INSYN2A: variants seen among roughly 807,000 people sequenced by gnomAD.
The protein encoded by INSYN2A is inhibitory synaptic factor 2A.
Under a neutral mutation model 39.4 loss-of-function variants are expected in INSYN2A, and 17 were observed. The ratio of observed to expected loss-of-function variants is 0.43; its 90% CI spans 0.30 to 0.65. INSYN2A has a LOEUF of 0.65. Ranked by LOEUF, INSYN2A falls within the 30% of genes least tolerant of loss-of-function variation. The pLI is 0.14. For synonymous variants in INSYN2A, 255 were observed against 265.7 expected (o/e 0.96, Z 0.39); for missense variants, 595 against 631.2 (o/e 0.94, Z 0.61).
In INSYN2A at chr10:127,176,706, T is replaced by C. The variant is rs986540797; in HGVS notation, c.-6+171A>G. On this transcript the variant is annotated intron_variant, in intron 3 of 5. Transcript: ENST00000522781. This position sits in a 1 kb window ranked among gnomAD's most constrained non-coding sequence, Gnocchi z 4.4. Reference sequence around the variant, plus strand: ...TTACTACATTCATCAAGAAACCCAATGATGCTGCCTCTTCTGCTTTGCAAA... The same window carrying C: ...TTACTACATTCATCAAGAAACCCAACGATGCTGCCTCTTCTGCTTTGCAAA... Among the ~76,000 whole-genome samples the C allele has an allele frequency of 6.6e-6, 1 of 152,226 alleles. No homozygotes were observed.
rs56041181 is a variant in INSYN2A, at chr10:127,190,665, TCCCCCCCC to T, written c.-269+1932_-269+1939del. ...CAAATATTTAATAGAAATCCTATCT[TCCCCCCCC>T]CCCCCCCCCCGTTCCTGCTGGCTCC... On this transcript the variant is annotated intron_variant, in intron 2 of 5. Coordinates refer to ENST00000522781, the MANE Select transcript of INSYN2A (RefSeq NM_001039762.3). Among the ~76,000 whole-genome samples the T allele has an allele frequency of 1.8e-3, 75 of 41,814 alleles. 4 individuals are homozygous for T. The highest frequency in any genetic ancestry group is 0.015 in the Middle Eastern group (1 of 66). The allele number at this position is 41,814 out of a possible 152,430, so 27.4% of individuals were successfully genotyped here. A position where few individuals can be genotyped will look rare whatever the true frequency, so the allele number is the denominator to read the frequency against.
intron 4 of INSYN2A, among the ~76,000 whole-genome samples, chr10:127,159,897 T>C (rs2053440118): frequency 6.6e-6 from 1 of 152,188 alleles, no homozygotes; most frequent in Admixed American, 6.5e-5. Flanking sequence ...ACGGGAGGGC[T>C]GGACGGCATC....
chr10:127,158,999 T>G (rs961672948), intron 4 of INSYN2A, among the ~76,000 whole-genome samples: 2 of 152,188 alleles, frequency 1.3e-5, no homozygotes, highest in Non-Finnish European at 2.9e-5. Context: ...CTCTCCTTGC[T>G]TGATGCCTTT....
chr10:127,150,524 A>G (rs1027193312), intron 5 of INSYN2A, among the ~76,000 whole-genome samples: 1 of 152,224 alleles, frequency 6.6e-6, no homozygotes, highest in African/African-American at 2.4e-5. Context: ...TGGTGCACCC[A>G]TGATGCTGGG....
chr10:127,186,519 C>CCCG (rs2056274619), intron 2 of INSYN2A, among the ~76,000 whole-genome samples: 1 of 77,820 alleles, frequency 1.3e-5, no homozygotes, highest in African/African-American at 4.2e-5. Context: ...CCCCCCGCCC[C>CCCG]CCCCCGATCC....
chr10:127,164,777 C>T (rs2053932260), intron 4 of INSYN2A, among the ~76,000 whole-genome samples: 3 of 152,122 alleles, frequency 2.0e-5, no homozygotes, highest in Admixed American at 2.0e-4. Flanking sequence ...TGTGTGTGGA[C>T]TGCCTGGCTA....
chr10:127,161,741 C>G (rs2053609857), intron 4 of INSYN2A, among the ~76,000 whole-genome samples: 1 of 152,184 alleles, frequency 6.6e-6, no homozygotes, highest in South Asian at 2.1e-4. Flanking sequence ...ATTTCCTCTG[C>G]CAGAACACCT....
chr10:127,147,902 G>A (rs150530830), intron 5 of INSYN2A, among the ~76,000 whole-genome samples: 4 of 151,714 alleles, frequency 2.6e-5, no homozygotes, highest in South Asian at 2.1e-4. Flanking sequence ...TTGGCGGTGC[G>A]CGCACGTAGT....
chr10:127,166,762 G>C (rs2133771200), intron 4 of INSYN2A, among the ~76,000 whole-genome samples: 1 of 152,244 alleles, frequency 6.6e-6, no homozygotes, highest in East Asian at 1.9e-4. Context: ...TTGAAAATTA[G>C]AACTTGCATT....
Position 127,137,965 on chromosome 10 carries a change from G to C in INSYN2A, c.1312C>G (p.Leu438Val). The change falls in exon 6 of 6, where the codon CTC becomes GTC. Residue 438 changes from leucine (L) to valine (V), a missense_variant. Transcript: ENST00000522781. Reference sequence around the variant, plus strand: ...ACCTGAGTTTCCTCAATAGGGTGGAGTTTTCTTAGAACCGGCTGGAGTTTG... The same window carrying C: ...ACCTGAGTTTCCTCAATAGGGTGGACTTTTCTTAGAACCGGCTGGAGTTTG... The part of the protein sequence containing the change: ...EDKLQPVLRK[L>V]HPIEETQVIP... The C allele has an allele frequency of 6.2e-7, 1 of 1,613,992 alleles. No homozygotes were observed. The highest frequency in any genetic ancestry group is 8.5e-7 in the Non-Finnish European group (1 of 1,179,980).
At chr10:127,156,633 A>G (rs2053108105) in intron 4 of INSYN2A, among the ~76,000 whole-genome samples, 1 of 128,580 alleles carries the variant, frequency 7.8e-6, no homozygotes, top group Non-Finnish European at 1.5e-5. Flanking sequence ...AATGGGCACA[A>G]TCTGGGCTCA....
chr10:127,183,471 C>G (rs2055931631), intron 2 of INSYN2A, among the ~76,000 whole-genome samples: 1 of 152,134 alleles, frequency 6.6e-6, no homozygotes, highest in South Asian at 2.1e-4. Context: ...GTAGCTGTGC[C>G]AGGAAGAAAA....
chr10:127,146,175 G>A lies in INSYN2A; in HGVS notation c.1256+7677C>T, dbSNP rs188188434. 424 of 357,952 alleles carry A rather than the reference G, an allele frequency of 1.2e-3. 2 individuals are homozygous for A. The highest frequency in any genetic ancestry group is 2.3e-3 in the Middle Eastern group (6 of 2,622). 22.2% of individuals were successfully genotyped at this position (357,952 alleles called of 1,614,324 possible). A position where few individuals can be genotyped will look rare whatever the true frequency, so the allele number is the denominator to read the frequency against. ...TCCCCTCATGCTGTTTTGGACATTG[G>A]TAAATGCCTCCTTAACTTTGACCTT... On this transcript the variant is annotated intron_variant, in intron 5 of 5. Transcript: ENST00000522781.
intron 4 of INSYN2A, among the ~76,000 whole-genome samples, chr10:127,170,798 G>A (rs1321883859): frequency 1.3e-5 from 2 of 152,186 alleles, no homozygotes; most frequent in Non-Finnish European, 2.9e-5. Context: ...TAGGTAGCCT[G>A]TGTGACCCTG....
At chr10:127,157,875 G>A (rs2053233980) in intron 4 of INSYN2A, among the ~76,000 whole-genome samples, 1 of 152,214 alleles carries the variant, frequency 6.6e-6, no homozygotes, top group South Asian at 2.1e-4. Flanking sequence ...AAAATTTAAA[G>A]TGTTGACCTT....
chr10:127,136,478 C>CA lies in INSYN2A; in HGVS notation c.*1358dup, dbSNP rs71831153. ...CAAACTATTCAAAATTTAAGTTGTACAAAAAAAAAAAAAAAGGCAAAGTAA... is the reference window on the plus strand; with the variant it reads ...CAAACTATTCAAAATTTAAGTTGTACAAAAAAAAAAAAAAAAGGCAAAGTAA... On this transcript the variant is annotated 3_prime_UTR_variant, in exon 6 of 6. Coordinates refer to ENST00000522781, the MANE Select transcript of INSYN2A (RefSeq NM_001039762.3). 2,739 of 67,050 alleles carry CA rather than the reference C, an allele frequency of 0.041. 25 individuals carry two copies. The highest frequency in any genetic ancestry group is 0.069 in the African/African-American group (1,657 of 24,172). 4.2% of individuals were successfully genotyped at this position (67,050 alleles called of 1,614,324 possible).
intron 1 of INSYN2A, among the ~76,000 whole-genome samples, chr10:127,193,596 C>T (rs1459848283): frequency 2.0e-5 from 3 of 152,306 alleles, no homozygotes; most frequent in East Asian, 3.9e-4. Context: ...CAAATGTCTA[C>T]GTGAACGGGT....
chr10:127,137,867 C>A lies in INSYN2A; in HGVS notation c.1410G>T (p.Lys470Asn). The A allele has an allele frequency of 6.2e-7, 1 of 1,614,022 alleles. No individual in the cohort carries two copies. Among genetic ancestry groups the A allele is most frequent in the Non-Finnish European group, 8.5e-7 (1 of 1,179,998 alleles). The change falls in exon 6 of 6, where the codon AAG (lysine) becomes AAT (asparagine). Residue 470 changes from lysine to asparagine, a missense_variant. Physicochemically the swap from Lys to Asn is moderately conservative, Grantham distance 94. Transcript: ENST00000522781. The part of the protein sequence containing the change: ...PKQKSKTESK[K>N]HGRWKLWFL ...GGAACCAGAGTTTCCATCTTCCGTG[C>A]TTTTTAGATTCAGTTTTGGATTTTT...
At position 127,176,321 on chromosome 10, in the gene INSYN2A, G is replaced by A. The variant is rs79489715; in HGVS notation, c.75C>T (p.Ala25=). Residue 25 remains alanine, a synonymous_variant, in exon 4 of 6, where the codon GCC becomes GCT. Coordinates refer to ENST00000522781, the MANE Select transcript of INSYN2A (RefSeq NM_001039762.3). The surrounding 1 kb of genome is among the most constrained non-coding windows in gnomAD (Gnocchi z 4.4). Reference sequence around the variant, plus strand: ...GGTCCAGGGCGTATTTCATCTCCAGGGCCAGGCAGGCGGCGGGTTCCACTT... The same window carrying A: ...GGTCCAGGGCGTATTTCATCTCCAGAGCCAGGCAGGCGGCGGGTTCCACTT... The part of the protein sequence containing the change: ...ESEVEPAACL[A]LEMKYALDPN... 1,451 of 1,613,992 alleles carry A rather than the reference G, an allele frequency of 9.0e-4. 16 individuals carry two copies. The East Asian group carries it at 0.026, about 29-fold the overall frequency.
Sources: allele counts gnomAD v4.1 joint callset (sites outside exome capture counted in the v4.1 genomes callset), GRCh38; gene constraint gnomAD v4.1.1; non-coding constraint Gnocchi (gnomAD v3.1); transcripts MANE v1.5; gene names NCBI Gene and HGNC (gene_info 2026-07-23, HGNC 2026-07-21).